Variants in TFDP2 observed in about 807,000 individuals in gnomAD.
The protein encoded by TFDP2 is transcription factor Dp-2 (E2F dimerization partner 2).
Under a neutral mutation model 59.3 loss-of-function variants are expected in TFDP2, and 17 were observed. The ratio of observed to expected loss-of-function variants is 0.29; its 90% confidence interval spans 0.20 to 0.43. TFDP2 has a LOEUF of 0.43. TFDP2 is among the 20% of genes least tolerant of loss of function. The probability of loss-of-function intolerance (pLI) is 1.00; values close to 1 mark genes in which losing one functional copy is unlikely to be tolerated. For synonymous variants in TFDP2, 180 were observed against 194.7 expected (o/e 0.92, Z 0.63); for missense variants, 391 against 528.8 (o/e 0.74, Z 2.56).
rs578179683 is a variant in TFDP2 at position 142,101,657 on chromosome 3, G to C, written c.15+78C>G. 31 of 943,320 alleles carry C rather than the reference G, an allele frequency of 3.3e-5. 1 individual carries two copies. The South Asian group carries it at 6.6e-4, about 20-fold the overall frequency. 58.4% of individuals were successfully genotyped at this position (943,320 alleles called of 1,614,324 possible). On this transcript the variant is annotated intron_variant, in intron 2 of 12. Transcript: ENST00000489671. ...CAAGTAAATTAAATCTGGTTAACCA[G>C]AATGGTGAGAAAATATGTAGGAAAA...
At chr3:142,118,017 G>C (rs2061902991) in intron 1 of TFDP2, among the ~76,000 whole-genome samples, 1 of 152,162 alleles carries the variant, frequency 6.6e-6, no homozygotes, top group African/African-American at 2.4e-5. Context: ...AGAATCCCTT[G>C]AACCCGGGAG....
chr3:142,100,518 G>A lies in TFDP2; in HGVS notation c.15+1217C>T, dbSNP rs375966717. Among the ~76,000 whole-genome samples the A allele has an allele frequency of 5.3e-5, 8 of 152,282 alleles. No individual in the cohort carries two copies. In the East Asian group the frequency reaches 1.2e-3, roughly 22 times the overall value. ...CTCCCGAGTAGCTGGAATTACAGGC[G>A]TCTGTCACCGCGCCTGGCTACTTTT... On this transcript the variant is annotated intron_variant, in intron 2 of 12. Coordinates refer to ENST00000489671, the MANE Select transcript of TFDP2 (RefSeq NM_001178139.2).
rs548974384 is a variant in TFDP2 at position 142,091,013 on chromosome 3, A to G, written c.82+2048T>C. Among the ~76,000 whole-genome samples the G allele has an allele frequency of 2.3e-3, 349 of 152,076 alleles. 3 individuals carry two copies. Among genetic ancestry groups the G allele is most frequent in the African/African-American group, 8.2e-3 (342 of 41,480 alleles). On this transcript the variant is annotated intron_variant, in intron 3 of 12. Transcript: ENST00000489671. ...TTGTTGTTCCCACTTCCTTCCCCTGACCTGATTACTACGTTTTATTAGAGC... is the reference window on the plus strand; with the variant it reads ...TTGTTGTTCCCACTTCCTTCCCCTGGCCTGATTACTACGTTTTATTAGAGC...
intron 3 of TFDP2, among the ~76,000 whole-genome samples, chr3:142,058,319 G>GT (rs397876925): frequency 2.4e-3 from 334 of 137,610 alleles, no homozygotes; most frequent in East Asian, 4.4e-3. Context: ...AAATGTTTGG[G>GT]TTTTTTTTTT....
intron 3 of TFDP2, among the ~76,000 whole-genome samples, chr3:142,070,647 C>A (rs1338490539): frequency 5.9e-5 from 9 of 152,154 alleles, no homozygotes; most frequent in Non-Finnish European, 1.0e-4. Flanking sequence ...TGTGTAAGAA[C>A]TGTTAATATT....
At chr3:142,123,019 G>A (rs79491925) in intron 1 of TFDP2, among the ~76,000 whole-genome samples, 12,598 of 151,452 alleles carry the variant, frequency 0.083, 647 homozygotes, top group Middle Eastern at 0.14. Context: ...GTGCAGTGGC[G>A]CGATCTCGGC....
chr3:142,074,893 T>A (rs372856417), intron 3 of TFDP2, among the ~76,000 whole-genome samples: 1 of 152,062 alleles, frequency 6.6e-6, no homozygotes, highest in Non-Finnish European at 1.5e-5. Context: ...TGAATGAATT[T>A]AAAAAGTCAA....
At chr3:141,954,755 C>G (rs1936373670) in intron 11 of TFDP2, among the ~76,000 whole-genome samples, 1 of 151,956 alleles carries the variant, frequency 6.6e-6, no homozygotes, top group East Asian at 1.9e-4. Context: ...TTCTATAAGC[C>G]CAAACACATA....
At position 142,016,270 on chromosome 3, in the gene TFDP2, G is replaced by T. The variant is rs559685380; in HGVS notation, c.83-10726C>A. ...CCCACTTGGCCTCCCAAAGTGCTGG[G>T]ATTACAGGCGTGAACCACCACGCCC... On this transcript the variant is annotated intron_variant, in intron 3 of 12. Coordinates refer to ENST00000489671, the MANE Select transcript of TFDP2 (RefSeq NM_001178139.2). Among the ~76,000 whole-genome samples, 37 of 147,808 alleles carry T rather than the reference G, an allele frequency of 2.5e-4. No homozygotes were observed. The South Asian group carries it at 6.8e-3, about 27-fold the overall frequency.
chr3:141,987,440 C>G (rs960364208), intron 6 of TFDP2, among the ~76,000 whole-genome samples: 1 of 151,844 alleles, frequency 6.6e-6, no homozygotes, highest in East Asian at 2.0e-4. Flanking sequence ...TCCTGCCACG[C>G]CCAGCTAATG....
In TFDP2 at chr3:142,071,259, C is replaced by T. The variant is rs550576194; in HGVS notation, c.82+21802G>A. ...GCAAGCTCTGCCTCCTGGGTTCAAGCGATTCTCCTGCCTCAGCCCCCCTAG... is the reference window on the plus strand; with the variant it reads ...GCAAGCTCTGCCTCCTGGGTTCAAGTGATTCTCCTGCCTCAGCCCCCCTAG... On this transcript the variant is annotated intron_variant, in intron 3 of 12. Transcript: ENST00000489671. 1.9e-3 allele frequency among the ~76,000 whole-genome samples: 286 copies of T among 151,916 alleles called. 2 individuals are homozygous for T. Among genetic ancestry groups the T allele is most frequent in the African/African-American group, 6.5e-3 (269 of 41,428 alleles).
chr3:141,946,550 G>C lies in TFDP2; in HGVS notation c.*5963C>G, dbSNP rs1415043807. On this transcript the variant is annotated 3_prime_UTR_variant, in exon 13 of 13. Transcript: ENST00000489671. ...ACCTGTCAGGGACTCCCAGGGCTTA[G>C]CCAGAGGGTCAAAGTGTTGTGCCCA... The C allele has an allele frequency of 6.6e-6, 1 of 152,222 alleles. No homozygotes were observed. Among genetic ancestry groups the C allele is most frequent in the Non-Finnish European group, 1.5e-5 (1 of 68,042 alleles). 9.4% of individuals were successfully genotyped at this position (152,222 alleles called of 1,614,324 possible).
intron 1 of TFDP2, among the ~76,000 whole-genome samples, chr3:142,120,263 G>A (rs145583058): frequency 1.3e-5 from 2 of 151,850 alleles, no homozygotes; most frequent in Non-Finnish European, 2.9e-5. Flanking sequence ...TCCAGAGGCT[G>A]AGGCAGAAGA....
intron 2 of TFDP2, 124 bp downstream of exon 2, chr3:142,101,610 CA>C: frequency 5.1e-6 from 3 of 591,998 alleles, no homozygotes; most frequent in Non-Finnish European, 8.1e-6. Flanking sequence ...TAAACATAAA[CA>C]AATACAATTA....
At position 142,149,328 on chromosome 3, in the gene TFDP2, G is replaced by T. The variant is rs1460676209; in HGVS notation, c.-238C>A. On this transcript the variant is annotated 5_prime_UTR_variant, in exon 1 of 13. Coordinates refer to ENST00000489671, the MANE Select transcript of TFDP2 (RefSeq NM_001178139.2). ...ACTCACACCCGGGGAGACGCGGCCT[G>T]CCCGGTCAAGGCCCAGGAGTTTGAG... is the stretch of plus-strand genomic sequence containing the variant. 7.6e-6 allele frequency: 3 copies of T among 393,892 alleles called. No homozygotes were observed. The highest frequency in any genetic ancestry group is 4.1e-5 in the African/African-American group (2 of 48,374). 24.4% of individuals were successfully genotyped at this position (393,892 alleles called of 1,614,324 possible).
rs1323326668 is a variant in TFDP2, at chr3:141,951,426, A to G, written c.*1087T>C. ...AAATATTGGATTAGTTTGAAATGCA[A>G]TTGACCCCAGGAGTAGGCTCAATAA... On this transcript the variant is annotated 3_prime_UTR_variant, in exon 13 of 13. Transcript: ENST00000489671. 1 of 152,590 alleles carries G rather than the reference A, an allele frequency of 6.6e-6. No homozygotes were observed. Among genetic ancestry groups the G allele is most frequent in the Non-Finnish European group, 1.5e-5 (1 of 68,054 alleles). The allele number at this position is 152,590 out of a possible 1,614,324, so 9.5% of individuals were successfully genotyped here. A position where few individuals can be genotyped will look rare whatever the true frequency, so the allele number is the denominator to read the frequency against.
In TFDP2 at chr3:141,949,806, C is replaced by CGTTTT. The variant is rs1559898170; in HGVS notation, c.*2706_*2707insAAAAC. The stretch of plus-strand genomic sequence containing the variant: ...GCCTGGGCATTGTGACCACAACTTC[C>CGTTTT]ATTTTTTTTTTTTTTTTTTTTGAGA... On this transcript the variant is annotated 3_prime_UTR_variant, in exon 13 of 13. Transcript: ENST00000489671. 2.9e-5 allele frequency: 1 copy of CGTTTT among 34,864 alleles called. No individual in the cohort carries two copies. The highest frequency in any genetic ancestry group is 2.8e-4 in the Admixed American group (1 of 3,578). The allele number at this position is 34,864 out of a possible 1,614,324, so 2.2% of individuals were successfully genotyped here.
At chr3:142,000,181 A>C (rs1943646241) in intron 4 of TFDP2, 15 of 664,304 alleles carry the variant, frequency 2.3e-5, no homozygotes, top group Non-Finnish European at 4.1e-5. Flanking sequence ...TAATTAATTA[A>C]TTTTCTTTAA....
intron 1 of TFDP2, among the ~76,000 whole-genome samples, chr3:142,137,678 C>T (rs2062785624): frequency 6.6e-6 from 1 of 152,126 alleles, no homozygotes; most frequent in Non-Finnish European, 1.5e-5. Flanking sequence ...TGATGGATTA[C>T]TTTTATTGAT....
Sources: gnomAD v4.1 joint callset for allele counts (sites outside exome capture counted in the v4.1 genomes callset) on GRCh38, gnomAD v4.1.1 for gene constraint, MANE v1.5 for transcripts, NCBI Gene and HGNC (gene_info 2026-07-23, HGNC 2026-07-21) for gene names.